The following PLEKHH2 variants were observed in gnomAD, a reference collection of about 807,000 sequenced individuals.
The protein encoded by PLEKHH2 is pleckstrin homology, MyTH4 and FERM domain containing H2.
Under a neutral mutation model 187.9 loss-of-function variants are expected in PLEKHH2, and 129 were observed. That is an observed-to-expected ratio of 0.69 (90% CI 0.59 to 0.79). PLEKHH2 has a LOEUF of 0.79. PLEKHH2 is among the 30% of genes least tolerant of loss of function. The probability of loss-of-function intolerance (pLI) is 0.00; values close to 1 mark genes in which losing one functional copy is unlikely to be tolerated. For missense variants in PLEKHH2, 2,076 were observed against 1,751.2 expected (o/e 1.19, Z -3.31); for synonymous variants, 686 against 605.6 (o/e 1.13, Z -1.95).
At chr2:43,694,816 A>T (rs13403030) in intron 5 of PLEKHH2, among the ~76,000 whole-genome samples, 37,873 of 152,024 alleles carry the variant, frequency 0.25, 5,405 homozygotes, top group Non-Finnish European at 0.32. Context: ...AAATTAATGT[A>T]TTTGGTAGCT....
At chr2:43,737,856 A>G (rs1463916987) in intron 19 of PLEKHH2, among the ~76,000 whole-genome samples, 1 of 152,234 alleles carries the variant, frequency 6.6e-6, no homozygotes, top group East Asian at 1.9e-4. Context: ...GAATGTCAGG[A>G]TGTGGAGATC....
intron 17 of PLEKHH2, among the ~76,000 whole-genome samples, chr2:43,727,692 C>T (rs1375190364): frequency 1.3e-5 from 2 of 152,232 alleles, no homozygotes; most frequent in East Asian, 3.9e-4. Context: ...TTCCAATTAC[C>T]CTCTGTGGGA....
intron 2 of PLEKHH2, among the ~76,000 whole-genome samples, chr2:43,671,409 A>C (rs1435646687): frequency 1.3e-5 from 2 of 151,802 alleles, no homozygotes; most frequent in Non-Finnish European, 2.9e-5. Flanking sequence ...GTAGATACTC[A>C]TGTCATCTGT....
chr2:43,747,910 A>C (rs770451561), intron 24 of PLEKHH2, among the ~76,000 whole-genome samples: 2 of 152,262 alleles, frequency 1.3e-5, no homozygotes, highest in Non-Finnish European at 2.9e-5. Context: ...CTAATAGTCT[A>C]TCCCACAGAA....
At chr2:43,717,002 G>A (rs1315945097) in intron 15 of PLEKHH2, among the ~76,000 whole-genome samples, 1 of 152,226 alleles carries the variant, frequency 6.6e-6, no homozygotes, top group Non-Finnish European at 1.5e-5. Flanking sequence ...TGGAGCAAGA[G>A]TTGTTTCGTG....
intron 19 of PLEKHH2, among the ~76,000 whole-genome samples, chr2:43,737,249 A>C (rs1490027628): frequency 6.6e-6 from 1 of 152,250 alleles, no homozygotes; most frequent in African/African-American, 2.4e-5. Context: ...AGTGCCCAAG[A>C]GTATAACATT....
At chr2:43,758,879 T>C in intron 26 of PLEKHH2, 21 bp from the exon 27 acceptor site, 1 of 1,564,922 alleles carries the variant, frequency 6.4e-7, no homozygotes, top group Non-Finnish European at 8.7e-7. Context: ...TTTTTGTTTT[T>C]GTTCTTTTCT....
intron 2 of PLEKHH2, among the ~76,000 whole-genome samples, chr2:43,677,632 C>T (rs1223849682): frequency 6.6e-6 from 1 of 151,940 alleles, no homozygotes. Context: ...TCCGATTTCT[C>T]AATCTTTTCC....
intron 24 of PLEKHH2, among the ~76,000 whole-genome samples, chr2:43,750,395 C>G (rs1338670872): frequency 1.3e-5 from 2 of 151,980 alleles, no homozygotes; most frequent in African/African-American, 4.8e-5. Context: ...TCGCATGAAC[C>G]CAGGAGGCAG....
intron 2 of PLEKHH2, among the ~76,000 whole-genome samples, chr2:43,656,901 C>T (rs1008019854): frequency 2.6e-5 from 4 of 152,174 alleles, no homozygotes; most frequent in African/African-American, 9.7e-5. Flanking sequence ...TATCTGTAAT[C>T]CCAGCTACTT....
At chr2:43,681,713 G>A in intron 3 of PLEKHH2, 1 of 521,076 alleles carries the variant, frequency 1.9e-6, no homozygotes, top group South Asian at 2.7e-5. Flanking sequence ...GGCCAGGCAA[G>A]GGAGCTCCCT....
At chr2:43,700,921 A>G (rs909240015) in intron 8 of PLEKHH2, among the ~76,000 whole-genome samples, 6 of 152,042 alleles carry the variant, frequency 3.9e-5, no homozygotes, top group Admixed American at 6.6e-5. Flanking sequence ...AAGTGTCCAC[A>G]CTCATTTTCA....
intron 3 of PLEKHH2, chr2:43,681,550 T>C (rs11897064): frequency 0.5 from 670,676 of 1,331,736 alleles, 176,358 homozygotes; most frequent in Non-Finnish European, 0.54. Flanking sequence ...GCAGAAAGAC[T>C]CACTTCTGTG....
At chr2:43,744,727 G>T (rs1671704734) in intron 23 of PLEKHH2, among the ~76,000 whole-genome samples, 1 of 151,780 alleles carries the variant, frequency 6.6e-6, no homozygotes, top group African/African-American at 2.4e-5. Flanking sequence ...AATTAGCCAG[G>T]CATGGTGCCA....
Position 43,697,199 on chromosome 2 carries a change from C to G in PLEKHH2, c.531C>G (p.Val177=), listed in dbSNP as rs376908545. 3 of 1,607,290 alleles carry G rather than the reference C, an allele frequency of 1.9e-6. No individual in the cohort carries two copies. The highest frequency in any genetic ancestry group is 2.5e-6 in the Non-Finnish European group (3 of 1,177,450). The change falls in exon 7 of 30, where the codon GTC becomes GTG. Residue 177 remains valine, a synonymous_variant. Coordinates refer to ENST00000282406, the MANE Select transcript of PLEKHH2 (RefSeq NM_172069.4). The part of the protein sequence containing the change: ...QEVQGKKSST[V]STLKLSEGQR... ...TTCAAGGAAAGAAGTCATCCACTGT[C>G]TCTACACTAAAGCTTTCGGAAGGCC...
intron 2 of PLEKHH2, among the ~76,000 whole-genome samples, chr2:43,648,213 G>C (rs1300763039): frequency 2.6e-5 from 4 of 152,088 alleles, no homozygotes; most frequent in African/African-American, 9.7e-5. Context: ...TTTTGAGACA[G>C]AGTCTTGCTC....
intron 2 of PLEKHH2, among the ~76,000 whole-genome samples, chr2:43,658,086 C>G (rs950432057): frequency 1.3e-5 from 2 of 152,148 alleles, no homozygotes; most frequent in Non-Finnish European, 2.9e-5. Context: ...GTATTATTAT[C>G]TTGAGCTTTC....
chr2:43,697,959 C>A (rs1476375232), intron 7 of PLEKHH2, among the ~76,000 whole-genome samples: 2 of 150,458 alleles, frequency 1.3e-5, no homozygotes, highest in African/African-American at 4.9e-5. Context: ...GTGCTTCTAT[C>A]AAAAAAAAAG....
At chr2:43,755,063 G>A (rs932063838) in intron 25 of PLEKHH2, among the ~76,000 whole-genome samples, 4 of 151,780 alleles carry the variant, frequency 2.6e-5, no homozygotes, top group Non-Finnish European at 4.4e-5. Flanking sequence ...AGTAGAGACG[G>A]GGTTTCACCA....
Sources: allele counts gnomAD v4.1 joint callset (sites outside exome capture counted in the v4.1 genomes callset), GRCh38; gene constraint gnomAD v4.1.1; transcripts MANE v1.5; gene names NCBI Gene and HGNC (gene_info 2026-07-23, HGNC 2026-07-21).